Variants in GAN observed in about 807,000 individuals in gnomAD.
The protein encoded by GAN is epididymis secretory sperm binding protein.
GAN carries 48 observed loss-of-function variants against 71.3 expected under a neutral mutation model. The observed-to-expected ratio is 0.67, with a 90% CI of 0.53 to 0.86. The LOEUF (loss-of-function observed/expected upper bound fraction) is 0.86, where lower values mean the gene tolerates loss of function less well. Ranked by LOEUF, GAN falls within the 40% of genes least tolerant of loss-of-function variation. The pLI is 0.00. For missense variants in GAN, 928 were observed against 770.1 expected, an observed-to-expected ratio of 1.21 and a Z score of -2.43; for synonymous variants, 386 against 276.8, an observed-to-expected ratio of 1.39 and a Z score of -3.92.
At chr16:81,319,274 C>T (rs1005886389) in intron 1 of GAN, among the ~76,000 whole-genome samples, 4 of 150,700 alleles carry the variant, frequency 2.7e-5, no homozygotes, top group African/African-American at 9.8e-5. Flanking sequence ...GTCATAAGCA[C>T]CCACAGAGCC....
At chr16:81,346,994 T>C (rs1910139399) in intron 1 of GAN, among the ~76,000 whole-genome samples, 1 of 152,226 alleles carries the variant, frequency 6.6e-6, no homozygotes. Context: ...TGAGAGGCTA[T>C]ATATGTTGAT....
intron 1 of GAN, among the ~76,000 whole-genome samples, chr16:81,317,537 G>A (rs1909083806): frequency 6.6e-6 from 1 of 152,246 alleles, no homozygotes; most frequent in Non-Finnish European, 1.5e-5. Context: ...TTCAAAGGTA[G>A]TACCCATTGA....
chr16:81,358,421 A>G (rs1174672381), intron 5 of GAN, among the ~76,000 whole-genome samples: 1 of 152,128 alleles, frequency 6.6e-6, no homozygotes, highest in Non-Finnish European at 1.5e-5. Context: ...AGCCTGGACA[A>G]TGTAGGAGAG....
chr16:81,359,446 CTG>C (rs1365627703), intron 5 of GAN, among the ~76,000 whole-genome samples: 2 of 136,680 alleles, frequency 1.5e-5, no homozygotes, highest in East Asian at 4.0e-4. Flanking sequence ...TTGATTTTGA[CTG>C]TTTTTTTGTC....
chr16:81,377,626 G>T lies in GAN; in HGVS notation c.*30G>T. The T allele has an allele frequency of 6.3e-7, 1 of 1,591,402 alleles. No individual in the cohort carries two copies. The highest frequency in any genetic ancestry group is 1.1e-5 in the South Asian group (1 of 90,546). Reference sequence around the variant, plus strand: ...GAAGCAGAGCAGAGTGCGAGATCCTGACCCAAGAGCACCATAACATAGCTC... The same window carrying T: ...GAAGCAGAGCAGAGTGCGAGATCCTTACCCAAGAGCACCATAACATAGCTC... On this transcript the variant is annotated 3_prime_UTR_variant, in exon 11 of 11. Transcript: ENST00000648994.
intron 2 of GAN, among the ~76,000 whole-genome samples, chr16:81,353,067 G>A (rs188561837): frequency 0.033 from 5,089 of 152,136 alleles, 147 homozygotes; most frequent in East Asian, 0.08. Context: ...CGAGGCGGGT[G>A]GATCACGAGG....
intron 1 of GAN, among the ~76,000 whole-genome samples, chr16:81,343,604 G>T (rs1330961855): frequency 6.6e-6 from 1 of 152,178 alleles, no homozygotes; most frequent in Non-Finnish European, 1.5e-5. Context: ...ACTAGGTATT[G>T]GTGGAACATA....
At chr16:81,368,426 T>G (rs1383340227) in intron 9 of GAN, among the ~76,000 whole-genome samples, 1 of 152,170 alleles carries the variant, frequency 6.6e-6, no homozygotes, top group Non-Finnish European at 1.5e-5. Flanking sequence ...TAGTGAGACC[T>G]TGTCTCTATG....
chr16:81,366,912 C>T (rs912107830), intron 9 of GAN, among the ~76,000 whole-genome samples: 1 of 152,024 alleles, frequency 6.6e-6, no homozygotes. Context: ...GCACCATCTG[C>T]CTCCCGGGTT....
chr16:81,360,438 T>G (rs1910637028), intron 5 of GAN, among the ~76,000 whole-genome samples: 1 of 152,222 alleles, frequency 6.6e-6, no homozygotes, highest in South Asian at 2.1e-4. Flanking sequence ...AAAAAATCTC[T>G]TCTCTGGTGT....
In GAN at chr16:81,385,772, T is replaced by G. The variant is rs1366881769; in HGVS notation, c.*8176T>G. On this transcript the variant is annotated 3_prime_UTR_variant, in exon 11 of 11. Coordinates refer to ENST00000648994, the MANE Select transcript of GAN (RefSeq NM_022041.4). ...AGAAGTTGGTGTTCATAAAATACTT[T>G]TTTTTTTTTTTTTTTTTGAGATGGA... The G allele has an allele frequency of 6.8e-6, 1 of 147,756 alleles. No individual in the cohort carries two copies. Among genetic ancestry groups the G allele is most frequent in the African/African-American group, 2.5e-5 (1 of 40,306 alleles). The allele number at this position is 147,756 out of a possible 1,614,324, so 9.2% of individuals were successfully genotyped here.
At chr16:81,351,093 A>G (rs765232181) in intron 1 of GAN, among the ~76,000 whole-genome samples, 17 of 152,250 alleles carry the variant, frequency 1.1e-4, no homozygotes, top group Admixed American at 3.3e-4. Context: ...TAAAGCAAGG[A>G]AAAAGTGAGC....
At chr16:81,373,988 G>A (rs111485034) in intron 9 of GAN, among the ~76,000 whole-genome samples, 1 of 152,130 alleles carries the variant, frequency 6.6e-6, no homozygotes, top group South Asian at 2.1e-4. Context: ...TGATCCACCC[G>A]CCTGGGCCTC....
intron 1 of GAN, among the ~76,000 whole-genome samples, chr16:81,339,138 C>T (rs1425033323): frequency 6.6e-6 from 1 of 152,182 alleles, no homozygotes; most frequent in Non-Finnish European, 1.5e-5. Flanking sequence ...CTATTAACCC[C>T]TTGTTACTCA....
intron 1 of GAN, among the ~76,000 whole-genome samples, chr16:81,317,115 C>A (rs1483891264): frequency 6.6e-6 from 1 of 152,198 alleles, no homozygotes; most frequent in African/African-American, 2.4e-5. Context: ...CCTCGGCCTC[C>A]CAAAGTGCTG....
intron 1 of GAN, among the ~76,000 whole-genome samples, chr16:81,350,636 C>T (rs1357289049): frequency 6.6e-6 from 1 of 151,982 alleles, no homozygotes. Context: ...GTGCCTCAGC[C>T]TCCTGAGCTG....
chr16:81,346,707 G>C (rs1484001109), intron 1 of GAN, among the ~76,000 whole-genome samples: 1 of 152,194 alleles, frequency 6.6e-6, no homozygotes, highest in African/African-American at 2.4e-5. Flanking sequence ...AGATGCCTGA[G>C]AAAGCTGTTC....
In GAN at chr16:81,354,395, A is replaced by C. The variant is rs759028377; in HGVS notation, c.283-10A>C. ...CATTCAAATATAAGATAATTATGCT[A>C]CTTTTTTAGATCAGGCTAAATGAAG... On this transcript the variant is annotated splice_polypyrimidine_tract_variant and intron_variant, in intron 2 of 10. Transcript: ENST00000648994. 2.6e-6 allele frequency: 4 copies of C among 1,557,824 alleles called. No individual in the cohort carries two copies. In the South Asian group the frequency reaches 3.3e-5, roughly 13 times the overall value.
In GAN at chr16:81,318,521, A is replaced by C. The variant is rs531815576; in HGVS notation, c.167+3241A>C. Among the ~76,000 whole-genome samples the C allele has an allele frequency of 8.5e-5, 13 of 152,284 alleles. No homozygotes were observed. In the East Asian group the frequency reaches 2.5e-3, roughly 29 times the overall value. The stretch of plus-strand genomic sequence containing the variant: ...GTACAATAATAAATCATGTATATAA[A>C]AAATAGGAGCAGTATTGTCTTTTGC... On this transcript the variant is annotated intron_variant, in intron 1 of 10. Coordinates refer to ENST00000648994, the MANE Select transcript of GAN (RefSeq NM_022041.4).
Sources: allele counts gnomAD v4.1 joint callset (sites outside exome capture counted in the v4.1 genomes callset), GRCh38; gene constraint gnomAD v4.1.1; transcripts MANE v1.5; gene names NCBI Gene and HGNC (gene_info 2026-07-23, HGNC 2026-07-21).